Variants in RBFOX1 observed in about 807,000 individuals in gnomAD.
RBFOX1 encodes the protein RNA binding fox-1 homolog 1.
RBFOX1 carries 8 observed loss-of-function variants against 57.7 expected under a neutral mutation model. That is an observed-to-expected ratio of 0.14 (90% CI 0.08 to 0.25). The LOEUF (loss-of-function observed/expected upper bound fraction) is 0.25, where lower values mean the gene tolerates loss of function less well. RBFOX1 is among the 10% of genes least tolerant of loss of function. RBFOX1 has a pLI of 1.00. For missense variants in RBFOX1, 611 were observed against 548.5 expected (o/e 1.11, Z -1.14); for synonymous variants, 326 against 222.4 (o/e 1.47, Z -4.15).
chr16:6,082,992 T>TTGTG (rs2096028032), intron 1 of RBFOX1, among the ~76,000 whole-genome samples: 1 of 120,442 alleles, frequency 8.3e-6, no homozygotes, highest in Non-Finnish European at 1.8e-5. Context: ...AAATTTTTGT[T>TTGTG]TGTGTGTTTG....
intron 1 of RBFOX1, among the ~76,000 whole-genome samples, chr16:6,143,080 A>G (rs2096731204): frequency 6.6e-6 from 1 of 152,230 alleles, no homozygotes; most frequent in African/African-American, 2.4e-5. Flanking sequence ...ATTTGGGATA[A>G]TGGAGCTGAA....
intron 4 of RBFOX1, among the ~76,000 whole-genome samples, chr16:7,062,317 C>CA (rs57989614): frequency 0.032 from 2,060 of 65,198 alleles, 88 homozygotes; most frequent in African/African-American, 0.07. Flanking sequence ...GACTCCATCT[C>CA]AAAAAAAAAA....
intron 3 of RBFOX1, among the ~76,000 whole-genome samples, chr16:5,705,383 T>A (rs1310163204): frequency 6.6e-6 from 1 of 152,176 alleles, no homozygotes; most frequent in East Asian, 1.9e-4. Flanking sequence ...CACCTCAGCC[T>A]CCTGAGTAGC....
chr16:5,276,813 C>A (rs11859148), intron 1 of RBFOX1, among the ~76,000 whole-genome samples: 1 of 152,152 alleles, frequency 6.6e-6, no homozygotes, highest in African/African-American at 2.4e-5. Context: ...TTGGCATGGA[C>A]GTGAAAGAGA....
At chr16:7,411,421 G>C (rs2149096542) in intron 4 of RBFOX1, among the ~76,000 whole-genome samples, 1 of 152,300 alleles carries the variant, frequency 6.6e-6, no homozygotes, top group South Asian at 2.1e-4. Context: ...GTCTTTCAGA[G>C]AGGAGACAGG....
At chr16:6,583,202 A>G (rs969178399) in intron 2 of RBFOX1, among the ~76,000 whole-genome samples, 4 of 152,162 alleles carry the variant, frequency 2.6e-5, no homozygotes, top group Non-Finnish European at 4.4e-5. Flanking sequence ...GAGTAGTTCT[A>G]ATGGGTCCTA....
intron 1 of RBFOX1, among the ~76,000 whole-genome samples, chr16:6,105,997 C>CTT (rs961371134): frequency 6.7e-6 from 1 of 149,460 alleles, no homozygotes; most frequent in Admixed American, 6.7e-5. Context: ...TTGCTTTAGT[C>CTT]TTTTTTTTTT....
At chr16:7,585,514 G>A (rs2152880648) in intron 6 of RBFOX1, among the ~76,000 whole-genome samples, 1 of 152,248 alleles carries the variant, frequency 6.6e-6, no homozygotes, top group South Asian at 2.1e-4. Context: ...GAACAGAAGT[G>A]CTGGTAGTTC....
At chr16:7,476,687 C>A (rs1026845518) in intron 4 of RBFOX1, among the ~76,000 whole-genome samples, 1 of 151,930 alleles carries the variant, frequency 6.6e-6, no homozygotes, top group African/African-American at 2.4e-5. Flanking sequence ...AAATTAAATC[C>A]CTCACTTCAT....
chr16:6,927,985 T>C (rs1291179201), intron 3 of RBFOX1, among the ~76,000 whole-genome samples: 1 of 152,204 alleles, frequency 6.6e-6, no homozygotes, highest in Non-Finnish European at 1.5e-5. Context: ...CCCATTGAGC[T>C]GCTGTTCCGC....
At chr16:5,428,535 G>A (rs1380480074) in intron 1 of RBFOX1, among the ~76,000 whole-genome samples, 1 of 152,172 alleles carries the variant, frequency 6.6e-6, no homozygotes, top group Non-Finnish European at 1.5e-5. Context: ...TAGGTAAGAT[G>A]CTTTCAGATT....
intron 4 of RBFOX1, among the ~76,000 whole-genome samples, chr16:7,448,945 T>TTTTTTG (rs1441741334): frequency 6.7e-6 from 1 of 148,392 alleles, no homozygotes; most frequent in Non-Finnish European, 1.5e-5. Context: ...TTTTTTTTTT[T>TTTTTTG]TGAGATGGAG....
chr16:7,556,972 C>T (rs532654186), intron 5 of RBFOX1, among the ~76,000 whole-genome samples: 29 of 152,296 alleles, frequency 1.9e-4, no homozygotes, highest in African/African-American at 4.8e-4. Flanking sequence ...TTAACAACAA[C>T]GACATCCTCC....
intron 3 of RBFOX1, among the ~76,000 whole-genome samples, chr16:6,877,951 A>T (rs1052304881): frequency 6.6e-6 from 1 of 152,164 alleles, no homozygotes; most frequent in Non-Finnish European, 1.5e-5. Context: ...TTGGATTAGC[A>T]AAAAGTAGGG....
chr16:6,473,593 T>C (rs2095225840), intron 2 of RBFOX1, among the ~76,000 whole-genome samples: 1 of 151,852 alleles, frequency 6.6e-6, no homozygotes, highest in South Asian at 2.1e-4. Context: ...GGTTGGTCTT[T>C]ATTGAAGAAA....
At chr16:5,945,774 G>A (rs1406768086) in intron 4 of RBFOX1, among the ~76,000 whole-genome samples, 1 of 152,154 alleles carries the variant, frequency 6.6e-6, no homozygotes, top group East Asian at 1.9e-4. Flanking sequence ...GATGTAGGTG[G>A]CTACCCAGTG....
chr16:6,841,210 T>C (rs752573987), intron 3 of RBFOX1, among the ~76,000 whole-genome samples: 3 of 152,210 alleles, frequency 2.0e-5, no homozygotes, highest in Non-Finnish European at 4.4e-5. Flanking sequence ...AAGATTTAGT[T>C]ATAAACATTA....
chr16:6,307,627 T>G (rs567492473), intron 1 of RBFOX1, among the ~76,000 whole-genome samples: 1 of 147,980 alleles, frequency 6.8e-6, no homozygotes, highest in Non-Finnish European at 1.5e-5. Context: ...TAATTATATA[T>G]TTTTATAAAT....
intron 3 of RBFOX1, among the ~76,000 whole-genome samples, chr16:6,871,911 CTGTGTGTGTGTGTGTGTGTG>C (rs57684251): frequency 1.2e-3 from 152 of 129,668 alleles, no homozygotes; most frequent in African/African-American, 1.0e-3. Flanking sequence ...GGGAGAGAGT[CTGTGTGTGTGTGTGTGTGTG>C]TGTGTGTGTG....
Sources: allele counts gnomAD v4.1 joint callset (sites outside exome capture counted in the v4.1 genomes callset), GRCh38; gene constraint gnomAD v4.1.1; transcripts MANE v1.5; gene names NCBI Gene and HGNC (gene_info 2026-07-23, HGNC 2026-07-21).